The following CELSR3 variants were observed in gnomAD, a reference collection of about 807,000 sequenced individuals.
The protein encoded by CELSR3 is cadherin EGF LAG seven-pass G-type receptor 3.
Under a neutral mutation model 270.0 loss-of-function variants are expected in CELSR3, and 73 were observed. That is an observed-to-expected ratio of 0.27 (90% CI 0.22 to 0.33). The LOEUF (loss-of-function observed/expected upper bound fraction) is 0.33. Among genes scored for constraint, CELSR3 ranks in the 10% least tolerant of loss-of-function variants. CELSR3 has a pLI of 1.00. For missense variants in CELSR3, 3,614 were observed against 4,533.8 expected (o/e 0.80, Z 5.83); for synonymous variants, 1,780 against 1,905.4 (o/e 0.93, Z 1.71).
chr3:48,655,926 C>A lies in CELSR3; in HGVS notation c.4626-75G>T. 3.1e-6 allele frequency: 4 copies of A among 1,276,928 alleles called. No individual in the cohort carries two copies. Among genetic ancestry groups the A allele is most frequent in the Non-Finnish European group, 4.4e-6 (4 of 901,694 alleles). The allele number at this position is 1,276,928 out of a possible 1,614,324, so 79.1% of individuals were successfully genotyped here. On this transcript the variant is annotated intron_variant, in intron 3 of 34. Transcript: ENST00000164024. The surrounding 1 kb of genome is among the most constrained non-coding windows in gnomAD (Gnocchi z 5.8). ...TACCACTTCACACCCACCATCCCTGCGAGGAGAAGGGGCTGGGGCGAGAGA... is the reference window on the plus strand; with the variant it reads ...TACCACTTCACACCCACCATCCCTGAGAGGAGAAGGGGCTGGGGCGAGAGA...
At position 48,654,509 on chromosome 3, in the gene CELSR3, T is replaced by TG. The variant is rs2047163893; in HGVS notation, c.4989-58dup. 17 of 1,471,042 alleles carry TG rather than the reference T, an allele frequency of 1.2e-5. No individual in the cohort carries two copies. The highest frequency in any genetic ancestry group is 1.4e-5 in the African/African-American group (1 of 70,726). 91.1% of individuals were successfully genotyped at this position (1,471,042 alleles called of 1,614,324 possible). On this transcript the variant is annotated intron_variant, in intron 6 of 34. Coordinates refer to ENST00000164024, the MANE Select transcript of CELSR3 (RefSeq NM_001407.3). This position sits in a 1 kb window ranked among gnomAD's most constrained non-coding sequence, Gnocchi z 5.4. ...ACTGGGGCCAGAGTAGAGTTGCTCC[T>TG]GGGGGGCCACAGGAAGCAGGGGGGT...
chr3:48,661,409 C>A lies in CELSR3; in HGVS notation c.1226G>T (p.Gly409Val). 1 of 1,612,366 alleles carries A rather than the reference C, an allele frequency of 6.2e-7. No homozygotes were observed. Among genetic ancestry groups the A allele is most frequent in the Non-Finnish European group, 8.5e-7 (1 of 1,179,782 alleles). Residue 409 changes from glycine to valine, a missense_variant, in exon 1 of 35, where the codon GGG (glycine) becomes GTG (valine). Physicochemically the swap from Gly to Val is moderately radical, Grantham distance 109. This residue lies in a region of CELSR3 where 354 missense variants were observed against 500.9 expected (regional missense o/e 0.71). Coordinates refer to ENST00000164024, the MANE Select transcript of CELSR3 (RefSeq NM_001407.3). ...CGTGGTGGCCGAGAGGCGCGGCGAC[C>A]CGTGGTCCTGCGCGGTCACACGCAG... ...HYLRVTAQDH[G>V]SPRLSATTMV...
intron 2 of CELSR3, 107 bp downstream of exon 2, chr3:48,656,591 T>TA: frequency 7.3e-7 from 1 of 1,370,890 alleles, no homozygotes; most frequent in Non-Finnish European, 9.5e-7. Context: ...AGCGCGTCCA[T>TA]ACCAGGCCGT....
In CELSR3 at chr3:48,643,164, G is replaced by T. The variant is rs1010190252; in HGVS notation, c.8290-81C>A. On this transcript the variant is annotated intron_variant, in intron 28 of 34. Coordinates refer to ENST00000164024, the MANE Select transcript of CELSR3 (RefSeq NM_001407.3). ...TAAGTCACTGTGGGTCAGCAATGGG[G>T]TCAGTCACTGTAGGCTAGTGTGGGT... 2.6e-5 allele frequency: 24 copies of T among 918,642 alleles called. No individual in the cohort carries two copies. The Admixed American group carries it at 4.5e-4, about 17-fold the overall frequency. 56.9% of individuals were successfully genotyped at this position (918,642 alleles called of 1,614,324 possible).
In CELSR3 at chr3:48,642,076, G is replaced by A. The variant is rs981271210; in HGVS notation, c.8666-67C>T. The A allele has an allele frequency of 7.0e-7, 1 of 1,436,800 alleles. No individual in the cohort carries two copies. Among genetic ancestry groups the A allele is most frequent in the South Asian group, 1.4e-5 (1 of 69,118 alleles). The allele number at this position is 1,436,800 out of a possible 1,614,324, so 89.0% of individuals were successfully genotyped here. ...CTTGGAGATAAGGGAATTTGGAGTT[G>A]AGGGTCTAGAGGTGGGTACGGCAAG... On this transcript the variant is annotated intron_variant, in intron 31 of 34. Transcript: ENST00000164024. The surrounding 1 kb of genome is among the most constrained non-coding windows in gnomAD (Gnocchi z 6.1).
chr3:48,655,890 C>T lies in CELSR3; in HGVS notation c.4626-39G>A. 1 of 1,371,594 alleles carries T rather than the reference C, an allele frequency of 7.3e-7. No homozygotes were observed. The allele number at this position is 1,371,594 out of a possible 1,614,324, so 85.0% of individuals were successfully genotyped here. The stretch of plus-strand genomic sequence containing the variant: ...GAGGGGGTTGCGGGGGTGGGAGCGT[C>T]AGGAGCAGGGTACCACTTCACACCC... On this transcript the variant is annotated intron_variant, in intron 3 of 34. Coordinates refer to ENST00000164024, the MANE Select transcript of CELSR3 (RefSeq NM_001407.3). The surrounding 1 kb of genome is among the most constrained non-coding windows in gnomAD (Gnocchi z 5.8).
rs984287343 is a variant in CELSR3 at position 48,657,383 on chromosome 3, G to A, written c.3749-35C>T. The A allele has an allele frequency of 1.2e-5, 18 of 1,526,562 alleles. No homozygotes were observed. Among genetic ancestry groups the A allele is most frequent in the African/African-American group, 2.7e-5 (2 of 73,230 alleles). 94.6% of individuals were successfully genotyped at this position (1,526,562 alleles called of 1,614,324 possible). ...GGGGCAGGGGCAGTGGTCATCCTGG[G>A]GACAGTGGCCACCCCTCCCTGGGAC... is the stretch of plus-strand genomic sequence containing the variant. On this transcript the variant is annotated intron_variant, in intron 1 of 34. Transcript: ENST00000164024. The surrounding 1 kb of genome is among the most constrained non-coding windows in gnomAD (Gnocchi z 5.4).
At position 48,642,878 on chromosome 3, in the gene CELSR3, C is replaced by T; in HGVS notation, c.8413G>A (p.Gly2805Arg). 6.2e-7 allele frequency: 1 copy of T among 1,613,054 alleles called. No homozygotes were observed. Among genetic ancestry groups the T allele is most frequent in the South Asian group, 1.1e-5 (1 of 91,088 alleles). The change falls in exon 30 of 35, where the codon GGG becomes AGG. Residue 2805 changes from glycine to arginine, a missense_variant. By Grantham distance (125) the Gly-to-Arg change is moderately radical. Around this residue, in one of 7 missense-constraint regions of CELSR3, gnomAD observed 1,240 missense variants for 1,351.7 expected, o/e 0.92. Transcript: ENST00000164024. This position sits in a 1 kb window ranked among gnomAD's most constrained non-coding sequence, Gnocchi z 6.1. ...EARPAPGLGPGAYNNTALFEE... is the reference protein window; with the variant it reads ...EARPAPGLGPRAYNNTALFEE... ...AAGAGAGCCGTGTTGTTGTAGGCCC[C>T]AGGTCCCTGGGGGTGGTAGGGACAG...
In CELSR3 at chr3:48,641,859, T is replaced by G; in HGVS notation, c.8816A>C (p.His2939Pro). 6.8e-7 allele frequency: 1 copy of G among 1,470,178 alleles called. No homozygotes were observed. Among genetic ancestry groups the G allele is most frequent in the Non-Finnish European group, 9.0e-7 (1 of 1,110,038 alleles). The allele number at this position is 1,470,178 out of a possible 1,614,324, so 91.1% of individuals were successfully genotyped here. A position where few individuals can be genotyped will look rare whatever the true frequency, so the allele number is the denominator to read the frequency against. ...RAAQSERLLT[H>P]PKDVDGNDLL... ...CAGAGGGCGCCTGGCACCTTTGGGG[T>G]GGGTGAGGAGCCTCTCACTCTGGGC... The change falls in exon 32 of 35, where the codon CAC (histidine) becomes CCC (proline). Residue 2939 changes from histidine to proline, a missense_variant. This residue lies in a region of CELSR3 where 1,240 missense variants were observed against 1,351.7 expected (regional missense o/e 0.92). Coordinates refer to ENST00000164024, the MANE Select transcript of CELSR3 (RefSeq NM_001407.3). This position sits in a 1 kb window ranked among gnomAD's most constrained non-coding sequence, Gnocchi z 4.8.
rs758809338 is a variant in CELSR3 at position 48,654,310 on chromosome 3, C to T, written c.5131G>A (p.Ala1711Thr). The T allele has an allele frequency of 2.4e-5, 38 of 1,613,684 alleles. No homozygotes were observed. Among genetic ancestry groups the T allele is most frequent in the Non-Finnish European group, 2.9e-5 (34 of 1,180,032 alleles). Reference sequence around the variant, plus strand: ...CTACCTGCCATGGTGCCATTATTTGCGACAAAAGCCGCCATGTCCACTCGG... The same window carrying T: ...CTACCTGCCATGGTGCCATTATTTGTGACAAAAGCCGCCATGTCCACTCGG... ...GRRVDMAAFVANNGTMAGCQA... is the reference protein window; with the variant it reads ...GRRVDMAAFVTNNGTMAGCQA... Residue 1711 changes from alanine (A) to threonine (T), a missense_variant, in exon 7 of 35, where the codon GCA becomes ACA. By Grantham distance (58) the Ala-to-Thr change is moderately conservative. Around this residue, in one of 7 missense-constraint regions of CELSR3, gnomAD observed 1,331 missense variants for 1,933.7 expected, o/e 0.69. Coordinates refer to ENST00000164024, the MANE Select transcript of CELSR3 (RefSeq NM_001407.3). This position sits in a 1 kb window ranked among gnomAD's most constrained non-coding sequence, Gnocchi z 5.4.
Position 48,651,418 on chromosome 3 carries a change from C to T in CELSR3, c.6127G>A (p.Asp2043Asn). The change falls in exon 14 of 35, where the codon GAT (aspartate) becomes AAT (asparagine). Residue 2043 changes from aspartate (D) to asparagine (N), a missense_variant. Coordinates refer to ENST00000164024, the MANE Select transcript of CELSR3 (RefSeq NM_001407.3). The surrounding 1 kb of genome is among the most constrained non-coding windows in gnomAD (Gnocchi z 7.4). ...GSPTCGPCNC[D>N]VHKGFDPNCN... is the part of the protein sequence containing the mutation. ...TTGGGATCAAAACCTTTGTGAACAT[C>T]ACAGTTGCAGGGGCCACAGGTTGGG... The T allele has an allele frequency of 6.2e-7, 1 of 1,614,072 alleles. No individual in the cohort carries two copies. The highest frequency in any genetic ancestry group is 8.5e-7 in the Non-Finnish European group (1 of 1,179,966).
chr3:48,638,087 G>A lies in CELSR3; in HGVS notation c.*118C>T. ...CCCTGCCACACCAGGTAGAGCTGGG[G>A]CACCCACCACTGGGGAGCAGGAGGC... On this transcript the variant is annotated 3_prime_UTR_variant, in exon 35 of 35. Transcript: ENST00000164024. 3.6e-6 allele frequency: 3 copies of A among 832,926 alleles called. No individual in the cohort carries two copies. The South Asian group carries it at 4.3e-5, about 12-fold the overall frequency. 51.6% of individuals were successfully genotyped at this position (832,926 alleles called of 1,614,324 possible). A position where few individuals can be genotyped will look rare whatever the true frequency, so the allele number is the denominator to read the frequency against.
chr3:48,649,646 C>T (rs1559478870), intron 16 of CELSR3, among the ~76,000 whole-genome samples: 1 of 152,170 alleles, frequency 6.6e-6, no homozygotes, highest in Non-Finnish European at 1.5e-5. Flanking sequence ...CAGTGAAAGT[C>T]AGGTGGGAGG....
chr3:48,643,384 G>A, intron 28 of CELSR3, 170 bp downstream of exon 28: 2 of 945,696 alleles, frequency 2.1e-6, no homozygotes, highest in Non-Finnish European at 3.1e-6. Flanking sequence ...GTCAGCTCCA[G>A]GCCTGGGGGC....
In CELSR3 at chr3:48,657,265, G is replaced by T. The variant is rs796693182; in HGVS notation, c.3832C>A (p.Arg1278Ser). Reference sequence around the variant, plus strand: ...CGCTCCTGCCACATGTTCTCAAGGCGCACGGTCAGGCTGTTGGCCAGCAAC... The same window carrying T: ...CGCTCCTGCCACATGTTCTCAAGGCTCACGGTCAGGCTGTTGGCCAGCAAC... The part of the protein sequence containing the change: ...EELLANSLTV[R>S]LENMWQERFL... Residue 1278 changes from arginine to serine, a missense_variant, in exon 2 of 35, where the codon CGC (arginine) becomes AGC (serine). By Grantham distance (110) the Arg-to-Ser change is moderately radical (BLOSUM62 -1). Coordinates refer to ENST00000164024, the MANE Select transcript of CELSR3 (RefSeq NM_001407.3). This position sits in a 1 kb window ranked among gnomAD's most constrained non-coding sequence, Gnocchi z 5.4. The T allele has an allele frequency of 4.3e-6, 7 of 1,612,190 alleles. No individual in the cohort carries two copies. The highest frequency in any genetic ancestry group is 5.9e-6 in the Non-Finnish European group (7 of 1,179,256).
chr3:48,658,950 G>A lies in CELSR3; in HGVS notation c.3685C>T (p.Arg1229Ter), dbSNP rs1290029544. 1.2e-6 allele frequency: 2 copies of A among 1,614,052 alleles called. No homozygotes were observed. Among genetic ancestry groups the A allele is most frequent in the East Asian group, 2.2e-5 (1 of 44,894 alleles). Reference protein sequence around the residue: ...LVVNQTSGELRLSRKLDNNRP... With the variant: ...LVVNQTSGEL ...TTATTGTCTAGCTTTCGGCTGAGTC[G>A]CAGCTCCCCACTGGTCTGGTTGACT... The change falls in exon 1 of 35, where the codon CGA (arginine) becomes TGA (stop). Residue 1229 changes from arginine (R) to a stop codon, truncating the protein, a stop_gained. Transcript: ENST00000164024. LOFTEE classifies it high-confidence loss of function. This position sits in a 1 kb window ranked among gnomAD's most constrained non-coding sequence, Gnocchi z 4.7.
intron 34 of CELSR3, among the ~76,000 whole-genome samples, chr3:48,638,810 C>T (rs1054444575): frequency 6.6e-6 from 1 of 151,994 alleles, no homozygotes; most frequent in African/African-American, 2.4e-5. Context: ...TCCCCAAACC[C>T]CTGCTCTTTC....
rs753312771 is a variant in CELSR3, at chr3:48,646,397, C to G, written c.7296-140G>C. 9.7e-5 allele frequency: 93 copies of G among 959,088 alleles called. No homozygotes were observed. Among genetic ancestry groups the G allele is most frequent in the Non-Finnish European group, 1.4e-4 (90 of 660,696 alleles). The allele number at this position is 959,088 out of a possible 1,614,324, so 59.4% of individuals were successfully genotyped here. ...CAGAGTGGAAGCTGTTTCTAAGAAT[C>G]CCTCCAGCTTCTGCTGGGCTGCTGA... On this transcript the variant is annotated intron_variant, in intron 21 of 34. Coordinates refer to ENST00000164024, the MANE Select transcript of CELSR3 (RefSeq NM_001407.3). The surrounding 1 kb of genome is among the most constrained non-coding windows in gnomAD (Gnocchi z 4.8).
chr3:48,643,407 C>T (rs927563360), intron 28 of CELSR3, 147 bp downstream of exon 28: 3 of 1,111,890 alleles, frequency 2.7e-6, no homozygotes, highest in Admixed American at 2.8e-5. Context: ...CAGCTAGGGC[C>T]AGTGTCTGGT....
Sources: allele counts gnomAD v4.1 joint callset (sites outside exome capture counted in the v4.1 genomes callset), GRCh38; gene constraint gnomAD v4.1.1; regional missense constraint gnomAD v4.1.1; non-coding constraint Gnocchi (gnomAD v3.1); transcripts MANE v1.5; gene names NCBI Gene and HGNC (gene_info 2026-07-23, HGNC 2026-07-21).